The following FBN1 variants were observed in gnomAD, a reference collection of about 807,000 sequenced individuals.
FBN1 encodes fibrillin 1, also known as fibrillin-1.
A neutral mutation model predicts 365.1 loss-of-function variants in FBN1; 29 were observed. The observed-to-expected ratio is 0.08, with a 90% CI of 0.06 to 0.11. The LOEUF is 0.11. Ranked by LOEUF, FBN1 falls within the 10% of genes least tolerant of loss-of-function variation. The pLI is 1.00. For synonymous variants in FBN1, 1,210 were observed against 1,270.5 expected (o/e 0.95, Z 1.01); for missense variants, 2,476 against 3,703.2 (o/e 0.67, Z 8.60).
At chr15:48,431,834 T>C (rs1182599810) in intron 55 of FBN1, among the ~76,000 whole-genome samples, 2 of 152,130 alleles carry the variant, frequency 1.3e-5, no homozygotes, top group South Asian at 2.1e-4. Flanking sequence ...TTTGTATTTT[T>C]AGTAGAGACA....
intron 44 of FBN1, among the ~76,000 whole-genome samples, chr15:48,455,837 GTTTTT>G (rs199519630): frequency 6.7e-6 from 1 of 149,392 alleles, no homozygotes; most frequent in African/African-American, 2.5e-5. Flanking sequence ...AGACAAAAAA[GTTTTT>G]TTTTTAACAT....
chr15:48,542,604 C>T (rs926912981), intron 6 of FBN1, among the ~76,000 whole-genome samples: 1 of 152,116 alleles, frequency 6.6e-6, no homozygotes, highest in African/African-American at 2.4e-5. Flanking sequence ...CATTCTTAAC[C>T]TTAGGACATA....
At chr15:48,479,179 G>A (rs1284654578) in intron 32 of FBN1, among the ~76,000 whole-genome samples, 1 of 152,138 alleles carries the variant, frequency 6.6e-6, no homozygotes, top group Non-Finnish European at 1.5e-5. Flanking sequence ...TGAATGACAC[G>A]AATTTTAAAC....
At chr15:48,631,342 A>G (rs1185694562) in intron 2 of FBN1, among the ~76,000 whole-genome samples, 1 of 152,196 alleles carries the variant, frequency 6.6e-6, no homozygotes, top group African/African-American at 2.4e-5. Flanking sequence ...GGGGCTGCCA[A>G]TCTGAGTCAG....
intron 60 of FBN1, among the ~76,000 whole-genome samples, chr15:48,423,633 C>T (rs914805645): frequency 6.6e-6 from 1 of 152,316 alleles, no homozygotes; most frequent in African/African-American, 2.4e-5. Context: ...GCACTTGCTG[C>T]TCTTGCCTCC....
chr15:48,493,315 C>CA (rs140221118), intron 23 of FBN1, among the ~76,000 whole-genome samples: 49 of 144,112 alleles, frequency 3.4e-4, no homozygotes, highest in South Asian at 4.4e-4. Context: ...TTGCCAATGC[C>CA]AAAAAAAAAA....
intron 6 of FBN1, among the ~76,000 whole-genome samples, chr15:48,577,592 G>T (rs960379543): frequency 6.6e-6 from 1 of 152,022 alleles, no homozygotes; most frequent in Non-Finnish European, 1.5e-5. Context: ...CAATAAGAAT[G>T]CAATCAGAAA....
rs550270676 is a variant in FBN1 at position 48,525,414 on chromosome 15, A to T, written c.988+716T>A. On this transcript the variant is annotated intron_variant, in intron 9 of 65. Coordinates refer to ENST00000316623, the MANE Select transcript of FBN1 (RefSeq NM_000138.5). ...CCAAATCTATTTTTTAAACAATAGA[A>T]CCCCTGATTTAATTGATACCTGACA... is the stretch of plus-strand genomic sequence containing the variant. 4.6e-5 allele frequency among the ~76,000 whole-genome samples: 7 copies of T among 152,288 alleles called. 1 individual carries two copies. Among genetic ancestry groups the T allele is most frequent in the African/African-American group, 1.7e-4 (7 of 41,558 alleles).
chr15:48,456,736 C>G lies in FBN1; in HGVS notation c.5323G>C (p.Gly1775Arg). The stretch of plus-strand genomic sequence containing the variant: ...ATACACACTCCATTTTCACAGACCC[C>G]TGGGATCTCCCGGCACTCATCAATA... ...VDIDECREIP[G>R]VCENGVCINM... is the part of the protein sequence containing the mutation. The change falls in exon 44 of 66, where the codon GGG becomes CGG. Residue 1775 changes from glycine to arginine, a missense_variant. Around this residue, in one of 5 missense-constraint regions of FBN1, gnomAD observed 1,780 missense variants for 2,840.8 expected, o/e 0.63. Coordinates refer to ENST00000316623, the MANE Select transcript of FBN1 (RefSeq NM_000138.5). 1 of 1,613,812 alleles carries G rather than the reference C, an allele frequency of 6.2e-7. No homozygotes were observed. Among genetic ancestry groups the G allele is most frequent in the Non-Finnish European group, 8.5e-7 (1 of 1,179,812 alleles).
chr15:48,476,193 G>A (rs891939642), intron 32 of FBN1, among the ~76,000 whole-genome samples: 3 of 152,150 alleles, frequency 2.0e-5, no homozygotes, highest in African/African-American at 4.8e-5. Context: ...AACAGATCCC[G>A]CAGAACTAGC....
chr15:48,610,789 C>T lies in FBN1; in HGVS notation c.285G>A (p.Ser95=), dbSNP rs745596276. 10 of 1,613,948 alleles carry T rather than the reference C, an allele frequency of 6.2e-6. No individual in the cohort carries two copies. Among genetic ancestry groups the T allele is most frequent in the South Asian group, 3.3e-5 (3 of 91,076 alleles). Residue 95 remains serine, a synonymous_variant, in exon 4 of 66, where the codon TCG becomes TCA. Coordinates refer to ENST00000316623, the MANE Select transcript of FBN1 (RefSeq NM_000138.5). ...ATGGGCAAGTGCACATATTTGGCCT[C>T]GAACAAAATCCATCCCCACAGGAAT... ...CRHSCGDGFC[S]RPNMCTCPSG... is the part of the protein sequence containing the mutation.
At chr15:48,541,714 A>G (rs2044059060) in intron 6 of FBN1, among the ~76,000 whole-genome samples, 1 of 148,964 alleles carries the variant, frequency 6.7e-6, no homozygotes, top group Non-Finnish European at 1.5e-5. Flanking sequence ...ATATTAAGCT[A>G]AATTTACATA....
chr15:48,502,332 C>T (rs2043668003), intron 17 of FBN1, among the ~76,000 whole-genome samples: 1 of 152,210 alleles, frequency 6.6e-6, no homozygotes, highest in African/African-American at 2.4e-5. Flanking sequence ...AGGTGTGAGG[C>T]ACCATGCCTG....
intron 6 of FBN1, among the ~76,000 whole-genome samples, chr15:48,576,231 GTCT>G (rs1177625173): frequency 6.6e-6 from 1 of 152,114 alleles, no homozygotes; most frequent in East Asian, 1.9e-4. Context: ...TGACAACGTT[GTCT>G]TCTTCTTCCA....
intron 6 of FBN1, among the ~76,000 whole-genome samples, chr15:48,571,701 G>A (rs1019355878): frequency 6.6e-6 from 1 of 152,038 alleles, no homozygotes. Context: ...AGGTGCACAC[G>A]TGACCACATT....
chr15:48,602,257 C>T (rs2044573463), intron 4 of FBN1, among the ~76,000 whole-genome samples: 1 of 152,140 alleles, frequency 6.6e-6, no homozygotes, highest in Admixed American at 6.5e-5. Context: ...AATGTGAGCC[C>T]TCTCTCCTTT....
intron 6 of FBN1, among the ~76,000 whole-genome samples, chr15:48,587,439 C>T (rs2044446258): frequency 6.6e-6 from 1 of 152,180 alleles, no homozygotes; most frequent in Non-Finnish European, 1.5e-5. Context: ...GGAAGGGCAT[C>T]GTGGAGAAGC....
intron 6 of FBN1, among the ~76,000 whole-genome samples, chr15:48,547,900 A>C (rs2044108430): frequency 6.6e-6 from 1 of 152,112 alleles, no homozygotes; most frequent in African/African-American, 2.4e-5. Flanking sequence ...CTGGCACTGA[A>C]CTCAGCTGAA....
At chr15:48,434,505 G>C (rs1459144763) in intron 54 of FBN1, 89 bp downstream of exon 54, 2 of 1,499,654 alleles carry the variant, frequency 1.3e-6, no homozygotes, top group Non-Finnish European at 1.9e-6. Flanking sequence ...TATACACCCT[G>C]AGTTGTATTT....
Sources: allele counts gnomAD v4.1 joint callset (sites outside exome capture counted in the v4.1 genomes callset), GRCh38; gene constraint gnomAD v4.1.1; regional missense constraint gnomAD v4.1.1; transcripts MANE v1.5; gene names NCBI Gene and HGNC (gene_info 2026-07-23, HGNC 2026-07-21).